Variants in BICC1 observed in about 807,000 individuals in gnomAD.
BICC1 encodes protein bicaudal C homolog 1.
Under a neutral mutation model 111.0 loss-of-function variants are expected in BICC1, and 43 were observed. The ratio of observed to expected loss-of-function variants is 0.39; its 90% CI spans 0.30 to 0.50. The LOEUF is 0.50. Among genes scored for constraint, BICC1 ranks in the 20% least tolerant of loss-of-function variants. The pLI is 0.88. For synonymous variants in BICC1, 467 were observed against 434.4 expected (o/e 1.07, Z -0.93); for missense variants, 1,091 against 1,203.2 (o/e 0.91, Z 1.38).
chr10:58,798,405 T>G lies in BICC1; in HGVS notation c.1373T>G (p.Leu458Trp), dbSNP rs757112007. 1.3e-6 allele frequency: 2 copies of G among 1,572,386 alleles called. No individual in the cohort carries two copies. Among genetic ancestry groups the G allele is most frequent in the Non-Finnish European group, 8.6e-7 (1 of 1,163,736 alleles). ...AGLGLTGLGL[L>W]GPTTLSLNTS... ...ATATATTCATTTATTACAGGTCTTT[T>G]GGGACCCACCACCTTATCTCTGAAC... Residue 458 changes from leucine (L) to tryptophan (W), a missense_variant, in exon 11 of 21, where the codon TTG becomes TGG. Transcript: ENST00000373886.
chr10:58,574,482 TA>T (rs1333168463), intron 1 of BICC1, among the ~76,000 whole-genome samples: 1 of 149,946 alleles, frequency 6.7e-6, no homozygotes, highest in Non-Finnish European at 1.5e-5. Flanking sequence ...ATTGATATGT[TA>T]AAGTACTATG....
chr10:58,798,451 A>G lies in BICC1; in HGVS notation c.1419A>G (p.Ser473=), dbSNP rs1409893894. The G allele has an allele frequency of 1.2e-6, 2 of 1,611,354 alleles. No individual in the cohort carries two copies. The highest frequency in any genetic ancestry group is 1.3e-5 in the African/African-American group (1 of 74,554). Residue 473 remains serine, a synonymous_variant, in exon 11 of 21, where the codon TCA becomes TCG. Coordinates refer to ENST00000373886, the MANE Select transcript of BICC1 (RefSeq NM_001080512.3). ...LSLNTSTTPN[S]LLNALNSSVS... is the part of the protein sequence containing the mutation. ...TGAACACTTCAACAACCCCAAACTC[A>G]CTCTTGAATGCTCTTAATAGCTCAG...
rs1554811635 is a variant in BICC1 at position 58,607,317 on chromosome 10, A to AAATAAATAAATAAATAAATAAAT, written c.191-13536_191-13535insTAAATAAATAAATAAATAAATAA. 3.0e-5 allele frequency among the ~76,000 whole-genome samples: 4 copies of AAATAAATAAATAAATAAATAAAT among 134,674 alleles called. No homozygotes were observed. The South Asian group carries it at 7.9e-4, about 27-fold the overall frequency. 88.4% of individuals were successfully genotyped at this position (134,674 alleles called of 152,430 possible). On this transcript the variant is annotated intron_variant, in intron 1 of 20. Transcript: ENST00000373886. ...GGCAACAAGAGCGAAACTCTGTCTC[A>AAATAAATAAATAAATAAATAAAT]AAATAAATAAATAAATAAATAAATA... is the stretch of plus-strand genomic sequence containing the variant.
chr10:58,544,378 A>C (rs1843079287), intron 1 of BICC1, among the ~76,000 whole-genome samples: 2 of 152,156 alleles, frequency 1.3e-5, no homozygotes, highest in South Asian at 4.1e-4. Flanking sequence ...CTTATTTTAA[A>C]AGTAGACTGT....
chr10:58,512,810 G>A (rs1283178942), upstream of BICC1, among the ~76,000 whole-genome samples: 4 of 150,416 alleles, frequency 2.7e-5, no homozygotes, highest in African/African-American at 9.7e-5. Flanking sequence ...GGCTGTAGGG[G>A]CGGCGGGCGG....
At chr10:58,546,125 A>C (rs1430145169) in intron 1 of BICC1, among the ~76,000 whole-genome samples, 1 of 152,192 alleles carries the variant, frequency 6.6e-6, no homozygotes, top group Admixed American at 6.6e-5. Context: ...AGGTCATGAC[A>C]TAAAAATGCT....
At chr10:58,807,235 T>C in intron 17 of BICC1, 77 bp downstream of exon 17, 1 of 1,381,712 alleles carries the variant, frequency 7.2e-7, no homozygotes. Context: ...CCCACCCTCA[T>C]TCTTTATGTA....
At chr10:58,761,825 T>C (rs1842325206) in intron 3 of BICC1, among the ~76,000 whole-genome samples, 1 of 152,322 alleles carries the variant, frequency 6.6e-6, no homozygotes, top group East Asian at 1.9e-4. Flanking sequence ...ATCCTTTCTA[T>C]GAACACATTT....
Position 58,817,663 on chromosome 10 carries a change from C to T in BICC1, c.2635C>T (p.Pro879Ser), listed in dbSNP as rs1368575730. The change falls in exon 19 of 21, where the codon CCT becomes TCT. Residue 879 changes from proline (P) to serine (S), a missense_variant. Physicochemically the swap from Pro to Ser is moderately conservative, Grantham distance 74 (BLOSUM62 -1). Around this residue, in one of 3 missense-constraint regions of BICC1, gnomAD observed 231 missense variants for 256.2 expected, o/e 0.90. Transcript: ENST00000373886. The part of the protein sequence containing the change: ...LNSSFKGSDL[P>S]ELFSKLGLGK... ...TAGCTCTTTCAAAGGTTCTGACCTC[C>T]CTGAGCTCTTCAGCAAACTGGGCCT... The T allele has an allele frequency of 3.1e-6, 5 of 1,613,358 alleles. No individual in the cohort carries two copies. Among genetic ancestry groups the T allele is most frequent in the Admixed American group, 1.7e-5 (1 of 59,920 alleles).
At chr10:58,538,123 A>G (rs1040147774) in intron 1 of BICC1, among the ~76,000 whole-genome samples, 1 of 151,716 alleles carries the variant, frequency 6.6e-6, no homozygotes, top group Non-Finnish European at 1.5e-5. Context: ...AAAAAAAATC[A>G]TAAAATTCAC....
At chr10:58,639,567 G>T (rs898621447) in intron 2 of BICC1, among the ~76,000 whole-genome samples, 15 of 89,930 alleles carry the variant, frequency 1.7e-4, no homozygotes, top group East Asian at 3.3e-4. Context: ...CCAGCTAATT[G>T]TTTTTTTTTT....
intron 5 of BICC1, 136 bp downstream of exon 5, chr10:58,787,217 A>C: frequency 1.4e-6 from 1 of 722,974 alleles, no homozygotes; most frequent in Non-Finnish European, 2.0e-6. Context: ...AGATTGTACA[A>C]CTTTCTGCAA....
intron 1 of BICC1, among the ~76,000 whole-genome samples, chr10:58,616,119 C>T (rs758241206): frequency 7.9e-5 from 12 of 152,014 alleles, no homozygotes; most frequent in African/African-American, 1.2e-4. Context: ...CTACAGAGCT[C>T]GGAAAAGGAA....
intron 3 of BICC1, among the ~76,000 whole-genome samples, chr10:58,716,981 C>A (rs1477829881): frequency 6.8e-6 from 1 of 147,344 alleles, no homozygotes; most frequent in Non-Finnish European, 1.5e-5. Flanking sequence ...CAGCCATTTG[C>A]AGCATGAGAA....
chr10:58,644,631 AGATAAG>A (rs1344233612), intron 2 of BICC1, among the ~76,000 whole-genome samples: 1 of 152,222 alleles, frequency 6.6e-6, no homozygotes, highest in East Asian at 1.9e-4. Flanking sequence ...CGAAAAAACT[AGATAAG>A]GATAAGTATT....
intron 3 of BICC1, among the ~76,000 whole-genome samples, chr10:58,748,028 C>T (rs1030701842): frequency 6.6e-6 from 1 of 152,040 alleles, no homozygotes; most frequent in Non-Finnish European, 1.5e-5. Flanking sequence ...TTGACAGCTG[C>T]CAGACAGGTA....
At chr10:58,708,893 G>A (rs1179777077) in intron 3 of BICC1, among the ~76,000 whole-genome samples, 1 of 152,126 alleles carries the variant, frequency 6.6e-6, no homozygotes, top group Non-Finnish European at 1.5e-5. Flanking sequence ...GCTGCTCTTT[G>A]TTAGACAAGA....
At chr10:58,658,635 T>C (rs1838739986) in intron 2 of BICC1, among the ~76,000 whole-genome samples, 2 of 152,258 alleles carry the variant, frequency 1.3e-5, no homozygotes, top group South Asian at 4.2e-4. Context: ...GTTTAATGGG[T>C]TTATGGACTT....
chr10:58,644,034 A>C (rs907361575), intron 2 of BICC1, among the ~76,000 whole-genome samples: 1 of 152,138 alleles, frequency 6.6e-6, no homozygotes, highest in African/African-American at 2.4e-5. Context: ...AAAAGTTAGA[A>C]ATTTTTTTGG....
Sources: gnomAD v4.1 joint callset for allele counts (sites outside exome capture counted in the v4.1 genomes callset) on GRCh38, gnomAD v4.1.1 for gene constraint, gnomAD v4.1.1 regional missense constraint, MANE v1.5 for transcripts, NCBI Gene and HGNC (gene_info 2026-07-23, HGNC 2026-07-21) for gene names.